Variants in NRG3 observed in about 807,000 individuals in gnomAD.
NRG3 encodes neuregulin 3, also known as pro-neuregulin-3, membrane-bound isoform.
In NRG3, 31 loss-of-function variants were observed where a neutral mutation model predicts 66.9. That is an observed-to-expected ratio of 0.46 (90% CI 0.35 to 0.63). The LOEUF (loss-of-function observed/expected upper bound fraction) is 0.63. Ranked by LOEUF, NRG3 falls within the 20% of genes least tolerant of loss-of-function variation. NRG3 has a pLI of 0.00. For synonymous variants in NRG3, 393 were observed against 359.4 expected (o/e 1.09, Z -1.06); for missense variants, 910 against 878.9 (o/e 1.04, Z -0.45).
chr10:82,278,913 C>T (rs1204334219), intron 1 of NRG3, among the ~76,000 whole-genome samples: 2 of 152,128 alleles, frequency 1.3e-5, no homozygotes, highest in African/African-American at 2.4e-5. Flanking sequence ...CCAGGCTTAT[C>T]GCCCAGGTGA....
intron 2 of NRG3, among the ~76,000 whole-genome samples, chr10:82,701,618 T>C (rs1227145945): frequency 6.6e-6 from 1 of 152,200 alleles, no homozygotes; most frequent in Non-Finnish European, 1.5e-5. Flanking sequence ...TTCAAAAGCA[T>C]ACTCTACACA....
chr10:82,652,354 A>G (rs2051489385), intron 2 of NRG3, among the ~76,000 whole-genome samples: 2 of 152,166 alleles, frequency 1.3e-5, no homozygotes, highest in African/African-American at 4.8e-5. Flanking sequence ...AATGAATTGA[A>G]GGATGGTAAA....
chr10:82,689,027 G>A (rs1742938176), intron 2 of NRG3, among the ~76,000 whole-genome samples: 1 of 152,070 alleles, frequency 6.6e-6, no homozygotes, highest in African/African-American at 2.4e-5. Flanking sequence ...CAGAAAAAAT[G>A]TTTATCATTA....
intron 1 of NRG3, among the ~76,000 whole-genome samples, chr10:82,113,267 T>C (rs912749409): frequency 6.6e-6 from 1 of 152,050 alleles, no homozygotes; most frequent in African/African-American, 2.4e-5. Flanking sequence ...AGGGCAGAAA[T>C]GTCAAATTGT....
intron 2 of NRG3, among the ~76,000 whole-genome samples, chr10:82,520,038 G>T (rs897640715): frequency 1.3e-5 from 2 of 151,906 alleles, no homozygotes; most frequent in African/African-American, 4.8e-5. Flanking sequence ...ATGATGGGAT[G>T]TGTGCTATGG....
At chr10:81,889,705 G>A (rs759191404) in intron 1 of NRG3, 1 of 152,138 alleles carries the variant, frequency 6.6e-6, no homozygotes, top group Non-Finnish European at 1.5e-5. Context: ...TACATCAGCT[G>A]ACATATACAA....
intron 1 of NRG3, among the ~76,000 whole-genome samples, chr10:81,920,212 G>C (rs1446954386): frequency 6.6e-6 from 1 of 152,138 alleles, no homozygotes; most frequent in Non-Finnish European, 1.5e-5. Flanking sequence ...AAAGAGATGA[G>C]ATCTTGCTGG....
chr10:82,464,629 A>G (rs1840510604), intron 2 of NRG3, among the ~76,000 whole-genome samples: 1 of 152,316 alleles, frequency 6.6e-6, no homozygotes, highest in East Asian at 1.9e-4. Context: ...GCAGCTTCTC[A>G]GCCCCTAATG....
At chr10:82,315,654 A>G (rs11193645) in intron 1 of NRG3, among the ~76,000 whole-genome samples, 2,400 of 150,202 alleles carry the variant, frequency 0.016, 57 homozygotes, top group African/African-American at 0.054. Flanking sequence ...CAACAGAATC[A>G]TATACGTTTG....
At chr10:82,099,196 C>A (rs947098436) in intron 1 of NRG3, among the ~76,000 whole-genome samples, 6 of 151,924 alleles carry the variant, frequency 3.9e-5, no homozygotes, top group Non-Finnish European at 7.4e-5. Flanking sequence ...TGAAGATTTT[C>A]TCTTTTTTCT....
chr10:82,320,701 G>A (rs750099802), intron 1 of NRG3, among the ~76,000 whole-genome samples: 1 of 152,172 alleles, frequency 6.6e-6, no homozygotes, highest in Admixed American at 6.5e-5. Context: ...AGTTCCCTGT[G>A]ATATGGACAA....
At chr10:82,019,603 C>T (rs2061964002) in intron 1 of NRG3, among the ~76,000 whole-genome samples, 1 of 152,098 alleles carries the variant, frequency 6.6e-6, no homozygotes, top group Admixed American at 6.5e-5. Flanking sequence ...TAATTATTGC[C>T]TCAATTTCAG....
chr10:82,040,750 C>T (rs942309311), intron 1 of NRG3, among the ~76,000 whole-genome samples: 2 of 151,976 alleles, frequency 1.3e-5, no homozygotes, highest in African/African-American at 4.8e-5. Flanking sequence ...CATATTCTGT[C>T]CACTACATTA....
intron 2 of NRG3, among the ~76,000 whole-genome samples, chr10:82,499,214 C>T (rs958124389): frequency 6.6e-6 from 1 of 152,080 alleles, no homozygotes; most frequent in Non-Finnish European, 1.5e-5. Flanking sequence ...AACATGTATT[C>T]CCTACAATCT....
At chr10:82,968,637 A>G (rs1188072878) in intron 6 of NRG3, among the ~76,000 whole-genome samples, 3 of 141,682 alleles carry the variant, frequency 2.1e-5, no homozygotes, top group Non-Finnish European at 4.7e-5. Context: ...GCTTTTTGAC[A>G]AGGAAGGAAG....
chr10:82,799,080 T>C (rs556972730), intron 3 of NRG3, among the ~76,000 whole-genome samples: 1 of 152,290 alleles, frequency 6.6e-6, no homozygotes, highest in Admixed American at 6.5e-5. Flanking sequence ...TGCCAATAAT[T>C]TATTGAGTAC....
At chr10:81,912,130 CT>C (rs1564651461) in intron 1 of NRG3, among the ~76,000 whole-genome samples, 1 of 151,804 alleles carries the variant, frequency 6.6e-6, no homozygotes, top group African/African-American at 2.4e-5. Flanking sequence ...TTTTCTTTTA[CT>C]TTTTGTATTT....
intron 3 of NRG3, among the ~76,000 whole-genome samples, chr10:82,790,967 G>C (rs1025066670): frequency 6.6e-6 from 1 of 150,978 alleles, no homozygotes; most frequent in African/African-American, 2.4e-5. Flanking sequence ...CTCTGTTTAA[G>C]GTATTATTCT....
At chr10:82,243,825 G>A (rs564860908) in intron 1 of NRG3, among the ~76,000 whole-genome samples, 1 of 152,120 alleles carries the variant, frequency 6.6e-6, no homozygotes, top group African/African-American at 2.4e-5. Context: ...CTTTTCTTTT[G>A]GGTACAATAG....
Sources: allele counts gnomAD v4.1 joint callset (sites outside exome capture counted in the v4.1 genomes callset), GRCh38; gene constraint gnomAD v4.1.1; transcripts MANE v1.5; gene names NCBI Gene and HGNC (gene_info 2026-07-23, HGNC 2026-07-21).